Variants in NRAP observed in about 807,000 individuals in gnomAD.
NRAP encodes the protein nebulin-related-anchoring protein.
In NRAP, 189 loss-of-function variants were observed where a neutral mutation model predicts 225.9. The ratio of observed to expected loss-of-function variants is 0.84; its 90% CI spans 0.74 to 0.94. NRAP has a LOEUF of 0.94. Among genes scored for constraint, NRAP ranks in the 40% least tolerant of loss-of-function variants. The pLI, the probability that NRAP is intolerant of heterozygous loss-of-function variation, is 0.00. For synonymous variants in NRAP, 769 were observed against 790.7 expected, an observed-to-expected ratio of 0.97 and a Z score of 0.46; for missense variants, 2,176 against 2,168.7, an observed-to-expected ratio of 1.00 and a Z score of -0.07.
chr10:113,599,083 G>T (rs1327444608), intron 35 of NRAP, among the ~76,000 whole-genome samples: 3 of 152,172 alleles, frequency 2.0e-5, no homozygotes, highest in Non-Finnish European at 4.4e-5. Flanking sequence ...CTAAAATTTG[G>T]ATCTAAACGA....
At chr10:113,594,964 G>A (rs375053456) in intron 38 of NRAP, among the ~76,000 whole-genome samples, 70 of 152,320 alleles carry the variant, frequency 4.6e-4, no homozygotes, top group African/African-American at 6.3e-4. Context: ...TGATTCTGCC[G>A]TCTCTCTACC....
chr10:113,605,774 A>G lies in NRAP; in HGVS notation c.3903T>C (p.Asp1301=), dbSNP rs199814534. The G allele has an allele frequency of 8.3e-5, 134 of 1,611,076 alleles. No individual in the cohort carries two copies. The highest frequency in any genetic ancestry group is 1.6e-5 in the Non-Finnish European group (19 of 1,177,228). Residue 1301 remains aspartate (D), a synonymous_variant, in exon 34 of 42, where the codon GAT becomes GAC. Transcript: ENST00000359988. ...LPFQAARASG[D]IASDFLYRHD... is the part of the protein sequence containing the mutation. ...TCATTCAACTCACATCACTGGCTAT[A>G]TCTCCAGAGGCCCGGGCAGCCTGGA... is the stretch of plus-strand genomic sequence containing the variant.
chr10:113,660,051 A>AACACAC (rs142938392), intron 3 of NRAP, among the ~76,000 whole-genome samples: 28,845 of 144,142 alleles, frequency 0.2, 3,338 homozygotes, highest in Admixed American at 0.33. Context: ...CTCAGTAGAC[A>AACACAC]ACACACACAC....
chr10:113,591,810 A>G (rs113405106), intron 39 of NRAP, among the ~76,000 whole-genome samples: 7,606 of 152,340 alleles, frequency 0.05, 289 homozygotes, highest in Non-Finnish European at 0.079. Flanking sequence ...TGACTGAGCC[A>G]GGATTTGAAC....
At chr10:113,626,193 C>T in intron 20 of NRAP, 48 bp from the exon 21 acceptor site, 6 of 1,252,642 alleles carry the variant, frequency 4.8e-6, no homozygotes, top group East Asian at 2.5e-5. Flanking sequence ...TGGGTTGCCC[C>T]TACCACCCTA....
At chr10:113,600,155 T>TTCTCTCTCTCTCTCTC (rs10529111) in intron 35 of NRAP, among the ~76,000 whole-genome samples, 2,816 of 140,194 alleles carry the variant, frequency 0.02, 50 homozygotes, top group Non-Finnish European at 0.027. Flanking sequence ...AGGGGTTATA[T>TTCTCTCTCTCTCTCTC]TCTCTCTCTC....
At chr10:113,632,079 CTGT>C (rs1848612805) in intron 16 of NRAP, 115 bp from the exon 17 acceptor site, 1 of 689,886 alleles carries the variant, frequency 1.4e-6, no homozygotes. Flanking sequence ...AGAGGCTCGG[CTGT>C]TGTTATCAAA....
chr10:113,641,365 G>C lies in NRAP; in HGVS notation c.1323C>G (p.Asn441Lys). 6.2e-7 allele frequency: 1 copy of C among 1,605,016 alleles called. No individual in the cohort carries two copies. The highest frequency in any genetic ancestry group is 8.5e-7 in the Non-Finnish European group (1 of 1,172,106). Residue 441 changes from asparagine (N) to lysine (K), a missense_variant and splice_region_variant, in exon 13 of 42, where the codon AAC becomes AAG. Physicochemically the swap from Asn to Lys is moderately conservative, Grantham distance 94. This residue lies in a region of NRAP where 1,708 missense variants were observed against 1,695.5 expected (regional missense o/e 1.01). Coordinates refer to ENST00000359988, the MANE Select transcript of NRAP (RefSeq NM_198060.4). ...CAGACCCTGGCATAAAAGGACTCAC[G>C]TTGCTTGCCAGGCTGCCAACTTTCA... Reference protein sequence around the residue: ...HAMKVGSLASNVAYKADYKHD... With the variant: ...HAMKVGSLASKVAYKADYKHD...
rs534401386 is a variant in NRAP, at chr10:113,650,784, A to C, written c.676-239T>G. Among the ~76,000 whole-genome samples, 281 of 152,338 alleles carry C rather than the reference A, an allele frequency of 1.8e-3. 2 individuals carry two copies. The highest frequency in any genetic ancestry group is 3.0e-3 in the Non-Finnish European group (202 of 68,028). On this transcript the variant is annotated intron_variant, in intron 7 of 41. Transcript: ENST00000359988. Reference sequence around the variant, plus strand: ...GGAGTTCAACACATGCTTGCTAAGCACCTGGTGTGGGCCAGGCACTGGGCC... The same window carrying C: ...GGAGTTCAACACATGCTTGCTAAGCCCCTGGTGTGGGCCAGGCACTGGGCC...
chr10:113,611,252 A>G (rs1447779881), intron 30 of NRAP, among the ~76,000 whole-genome samples: 2 of 152,012 alleles, frequency 1.3e-5, no homozygotes, highest in Non-Finnish European at 2.9e-5. Context: ...AGCTGCTCTC[A>G]GGTTCCTGAC....
intron 14 of NRAP, among the ~76,000 whole-genome samples, chr10:113,635,652 C>T (rs1338705074): frequency 6.6e-6 from 1 of 152,048 alleles, no homozygotes; most frequent in Admixed American, 6.5e-5. Context: ...GGTCTGGAAC[C>T]CTTGGCCTCA....
chr10:113,661,465 T>C (rs1315896662), intron 3 of NRAP, among the ~76,000 whole-genome samples: 1 of 152,086 alleles, frequency 6.6e-6, no homozygotes, highest in East Asian at 1.9e-4. Context: ...AGGGAGTCAG[T>C]ATGAGGTGGA....
At chr10:113,651,962 ACCTC>A in intron 6 of NRAP, 55 bp from the exon 7 acceptor site, 2 of 1,103,582 alleles carry the variant, frequency 1.8e-6, no homozygotes, top group South Asian at 1.2e-5. Flanking sequence ...CTCCTCAGTG[ACCTC>A]TCCCTGTGGC....
chr10:113,626,096 T>C lies in NRAP; in HGVS notation c.2195A>G (p.Asp732Gly). The part of the protein sequence containing the change: ...VDELKFTSVT[D>G]SSQMEHAKKS... ...CTTGGCGTGCTCCATCTGGGAGCTGTCGGTCACGCTGGTGAACTTCAGCTC... is the reference window on the plus strand; with the variant it reads ...CTTGGCGTGCTCCATCTGGGAGCTGCCGGTCACGCTGGTGAACTTCAGCTC... The change falls in exon 21 of 42, where the codon GAC becomes GGC. Residue 732 changes from aspartate to glycine, a missense_variant. This residue lies in a region of NRAP where 1,708 missense variants were observed against 1,695.5 expected (regional missense o/e 1.01). Coordinates refer to ENST00000359988, the MANE Select transcript of NRAP (RefSeq NM_198060.4). 6.2e-7 allele frequency: 1 copy of C among 1,612,492 alleles called. No homozygotes were observed. The highest frequency in any genetic ancestry group is 1.1e-5 in the South Asian group (1 of 90,336).
intron 9 of NRAP, among the ~76,000 whole-genome samples, chr10:113,647,411 A>G (rs1022384407): frequency 6.6e-6 from 1 of 151,094 alleles, no homozygotes; most frequent in African/African-American, 2.4e-5. Flanking sequence ...ACCCAGTGGC[A>G]GATCTATGTA....
chr10:113,596,501 C>T (rs925883918), intron 37 of NRAP, among the ~76,000 whole-genome samples: 1 of 152,202 alleles, frequency 6.6e-6, no homozygotes, highest in African/African-American at 2.4e-5. Flanking sequence ...ACATTAACTT[C>T]CTATTCCTTG....
chr10:113,655,727 G>T (rs1850270202), intron 4 of NRAP, among the ~76,000 whole-genome samples: 1 of 152,186 alleles, frequency 6.6e-6, no homozygotes. Context: ...TAGGATTACA[G>T]GTGTGAGCCA....
rs199513756 is a variant in NRAP, at chr10:113,647,033, G to A, written c.889-6C>T. 3.4e-5 allele frequency: 54 copies of A among 1,605,652 alleles called. 1 individual carries two copies. Among genetic ancestry groups the A allele is most frequent in the Admixed American group, 8.3e-5 (5 of 60,008 alleles). On this transcript the variant is annotated splice_polypyrimidine_tract_variant and splice_region_variant and intron_variant, in intron 9 of 41. Transcript: ENST00000359988. ...TCATACTCCTCCGGGTAACCCTGCC[G>A]GGTGCATCAAAAACTTCAGTGAGTA...
intron 4 of NRAP, among the ~76,000 whole-genome samples, chr10:113,656,092 C>T (rs1850292242): frequency 6.6e-6 from 1 of 152,072 alleles, no homozygotes; most frequent in Admixed American, 6.5e-5. Context: ...GCCTACCGAC[C>T]AGCATTAACA....
Sources: gnomAD v4.1 joint callset for allele counts (sites outside exome capture counted in the v4.1 genomes callset) on GRCh38, gnomAD v4.1.1 for gene constraint, gnomAD v4.1.1 regional missense constraint, MANE v1.5 for transcripts, NCBI Gene and HGNC (gene_info 2026-07-23, HGNC 2026-07-21) for gene names.